Variants in GABBR2 observed in about 807,000 individuals in gnomAD.
GABBR2 encodes the protein G-protein coupled receptor 51.
Under a neutral mutation model 105.6 loss-of-function variants are expected in GABBR2, and 23 were observed. That is an observed-to-expected ratio of 0.22 (90% CI 0.16 to 0.31). The LOEUF (loss-of-function observed/expected upper bound fraction) is 0.31. Ranked by LOEUF, GABBR2 falls within the 10% of genes least tolerant of loss-of-function variation. The probability of loss-of-function intolerance (pLI) is 1.00; values close to 1 mark genes in which losing one functional copy is unlikely to be tolerated. For synonymous variants in GABBR2, 478 were observed against 499.7 expected, an observed-to-expected ratio of 0.96 and a Z score of 0.58; for missense variants, 734 against 1,245.5, an observed-to-expected ratio of 0.59 and a Z score of 6.18.
chr9:98,670,097 G>A (rs2131860443), intron 1 of GABBR2, among the ~76,000 whole-genome samples: 1 of 152,264 alleles, frequency 6.6e-6, no homozygotes, highest in East Asian at 1.9e-4. Flanking sequence ...AAGGACTGTG[G>A]ACTTTCTGCT....
chr9:98,496,334 C>T (rs1588195272), intron 4 of GABBR2, 79 bp downstream of exon 4: 1 of 891,436 alleles, frequency 1.1e-6, no homozygotes. Flanking sequence ...AAACTTGAGG[C>T]TCTTTCATAG....
chr9:98,470,922 G>T (rs551027627), intron 6 of GABBR2, among the ~76,000 whole-genome samples: 30 of 152,240 alleles, frequency 2.0e-4, no homozygotes, highest in African/African-American at 6.5e-4. Context: ...ACAATTGGAA[G>T]GACTAGCGCT....
intron 1 of GABBR2, among the ~76,000 whole-genome samples, chr9:98,703,730 C>T (rs1367409073): frequency 6.6e-6 from 1 of 151,976 alleles, no homozygotes; most frequent in Non-Finnish European, 1.5e-5. Flanking sequence ...TGGCCTCAAG[C>T]AATCCTCTCA....
chr9:98,496,618 C>G, intron 3 of GABBR2, 104 bp from the exon 4 acceptor site: 1 of 754,872 alleles, frequency 1.3e-6, no homozygotes, highest in Non-Finnish European at 2.4e-6. Flanking sequence ...GCGATTTTCT[C>G]TACCGACAAT....
intron 1 of GABBR2, among the ~76,000 whole-genome samples, chr9:98,617,932 G>A (rs983140665): frequency 1.4e-4 from 21 of 152,134 alleles, no homozygotes; most frequent in African/African-American, 5.1e-4. Context: ...TTACCACTCC[G>A]AGCCTCCGTT....
intron 5 of GABBR2, among the ~76,000 whole-genome samples, chr9:98,480,314 T>C (rs563201594): frequency 1.3e-5 from 2 of 152,332 alleles, no homozygotes; most frequent in Admixed American, 6.5e-5. Flanking sequence ...GAAAACCTTT[T>C]TTTTTTAGAG....
At chr9:98,404,659 A>C (rs1176980621) in intron 8 of GABBR2, among the ~76,000 whole-genome samples, 1 of 152,000 alleles carries the variant, frequency 6.6e-6, no homozygotes, top group Non-Finnish European at 1.5e-5. Context: ...TGCCTCAAGG[A>C]ATGCCCAGCC....
At chr9:98,477,980 C>A (rs1341424911) in intron 5 of GABBR2, among the ~76,000 whole-genome samples, 1 of 152,120 alleles carries the variant, frequency 6.6e-6, no homozygotes, top group African/African-American at 2.4e-5. Context: ...ACACAGCTGG[C>A]AGAGCTAAAA....
At chr9:98,398,561 G>T (rs190952153) in intron 8 of GABBR2, among the ~76,000 whole-genome samples, 1 of 152,120 alleles carries the variant, frequency 6.6e-6, no homozygotes, top group Non-Finnish European at 1.5e-5. Flanking sequence ...TCTGTGTGAC[G>T]TCCCCTCATG....
At chr9:98,291,479 G>T (rs751146771) in intron 18 of GABBR2, among the ~76,000 whole-genome samples, 1 of 152,044 alleles carries the variant, frequency 6.6e-6, no homozygotes, top group African/African-American at 2.4e-5. Context: ...CCTCTCTCCC[G>T]TCTGCCTCTG....
intron 1 of GABBR2, among the ~76,000 whole-genome samples, chr9:98,629,138 G>A (rs539837497): frequency 6.6e-6 from 1 of 152,286 alleles, no homozygotes; most frequent in South Asian, 2.1e-4. Flanking sequence ...AATCTAAAAA[G>A]AGACTGAAGA....
At chr9:98,431,731 T>C (rs187404065) in intron 7 of GABBR2, among the ~76,000 whole-genome samples, 84 of 152,198 alleles carry the variant, frequency 5.5e-4, no homozygotes, top group Non-Finnish European at 1.1e-3. Flanking sequence ...AGTCTCACTC[T>C]ATCACCCAGG....
At chr9:98,323,890 ACT>A (rs1830869894) in intron 13 of GABBR2, among the ~76,000 whole-genome samples, 1 of 152,010 alleles carries the variant, frequency 6.6e-6, no homozygotes, top group African/African-American at 2.4e-5. Context: ...CTAAATCAGG[ACT>A]CTGTACCACG....
intron 1 of GABBR2, among the ~76,000 whole-genome samples, chr9:98,583,413 C>T (rs1829029796): frequency 6.6e-6 from 1 of 152,230 alleles, no homozygotes; most frequent in African/African-American, 2.4e-5. Context: ...AAGCACTGAG[C>T]TCCTCACCTT....
intron 1 of GABBR2, among the ~76,000 whole-genome samples, chr9:98,581,464 A>C (rs1348020212): frequency 6.8e-6 from 1 of 147,216 alleles, no homozygotes; most frequent in East Asian, 2.0e-4. Context: ...TCCCCAAGAA[A>C]GAAAGAGAGA....
chr9:98,505,533 G>A (rs1827493196), intron 3 of GABBR2, among the ~76,000 whole-genome samples: 1 of 151,968 alleles, frequency 6.6e-6, no homozygotes, highest in African/African-American at 2.4e-5. Context: ...AAAAAGATAG[G>A]TCTAAGTTCT....
At chr9:98,592,463 T>C (rs1245306565) in intron 1 of GABBR2, among the ~76,000 whole-genome samples, 2 of 152,234 alleles carry the variant, frequency 1.3e-5, no homozygotes, top group Non-Finnish European at 2.9e-5. Context: ...ATGGGGTAGA[T>C]ACTGTTATTA....
At chr9:98,407,671 TC>T (rs1451451191) in intron 7 of GABBR2, among the ~76,000 whole-genome samples, 2 of 152,104 alleles carry the variant, frequency 1.3e-5, no homozygotes, top group African/African-American at 4.8e-5. Context: ...AATTTACCAA[TC>T]TTCTGCCAAG....
intron 1 of GABBR2, among the ~76,000 whole-genome samples, chr9:98,648,192 C>T (rs1001569072): frequency 4.0e-5 from 6 of 151,060 alleles, no homozygotes; most frequent in Non-Finnish European, 8.9e-5. Flanking sequence ...AGTACAGTGG[C>T]GCGATCTCGG....
Sources: gnomAD v4.1 joint callset for allele counts (sites outside exome capture counted in the v4.1 genomes callset) on GRCh38, gnomAD v4.1.1 for gene constraint, MANE v1.5 for transcripts, NCBI Gene and HGNC (gene_info 2026-07-23, HGNC 2026-07-21) for gene names.